GUCY1A2: variants seen among roughly 807,000 people sequenced by gnomAD.
GUCY1A2 encodes the protein guanylate cyclase soluble subunit alpha-2.
Under a neutral mutation model 63.5 loss-of-function variants are expected in GUCY1A2, and 27 were observed. The ratio of observed to expected loss-of-function variants is 0.43; its 90% CI spans 0.31 to 0.59. The LOEUF (loss-of-function observed/expected upper bound fraction) is 0.59. Ranked by LOEUF, GUCY1A2 falls within the 20% of genes least tolerant of loss-of-function variation. The pLI is 0.11. For synonymous variants in GUCY1A2, 364 were observed against 343.5 expected (o/e 1.06, Z -0.66); for missense variants, 768 against 913.3 (o/e 0.84, Z 2.05).
At chr11:106,728,700 G>T (rs1342526233) in intron 6 of GUCY1A2, among the ~76,000 whole-genome samples, 1 of 152,092 alleles carries the variant, frequency 6.6e-6, no homozygotes, top group Non-Finnish European at 1.5e-5. Context: ...TAAAACTGAA[G>T]ATGTAAATTT....
intron 6 of GUCY1A2, among the ~76,000 whole-genome samples, chr11:106,760,048 A>G (rs1864038935): frequency 6.6e-6 from 1 of 152,180 alleles, no homozygotes; most frequent in Admixed American, 6.5e-5. Context: ...TAGTAATAGT[A>G]GAGAGACCTG....
intron 6 of GUCY1A2, among the ~76,000 whole-genome samples, chr11:106,742,825 T>C (rs1300478663): frequency 1.3e-5 from 2 of 152,204 alleles, no homozygotes; most frequent in African/African-American, 4.8e-5. Context: ...CGCTTTCAAA[T>C]GGATGAATTT....
intron 6 of GUCY1A2, among the ~76,000 whole-genome samples, chr11:106,726,587 A>C (rs1020050296): frequency 2.0e-5 from 3 of 152,158 alleles, no homozygotes; most frequent in African/African-American, 7.2e-5. Flanking sequence ...GAAACACTAC[A>C]GGCTAAAAGT....
At chr11:106,800,927 A>C (rs1864865857) in intron 5 of GUCY1A2, among the ~76,000 whole-genome samples, 1 of 152,056 alleles carries the variant, frequency 6.6e-6, no homozygotes, top group Non-Finnish European at 1.5e-5. Context: ...ACCTACTGAA[A>C]GTTGTTCCTA....
intron 4 of GUCY1A2, among the ~76,000 whole-genome samples, chr11:106,899,049 AC>A (rs1860090497): frequency 6.6e-6 from 1 of 152,214 alleles, no homozygotes; most frequent in African/African-American, 2.4e-5. Flanking sequence ...TTATTAAGCC[AC>A]ATATTTAAGA....
At chr11:106,793,588 T>C (rs1458498564) in intron 5 of GUCY1A2, among the ~76,000 whole-genome samples, 1 of 151,880 alleles carries the variant, frequency 6.6e-6, no homozygotes, top group African/African-American at 2.4e-5. Flanking sequence ...GAGAAAATAT[T>C]TGCAAATCAC....
At chr11:106,949,881 A>G (rs1431550644) in intron 3 of GUCY1A2, among the ~76,000 whole-genome samples, 1 of 152,238 alleles carries the variant, frequency 6.6e-6, no homozygotes, top group Non-Finnish European at 1.5e-5. Context: ...TGGTGAATCT[A>G]TAAAAGAATG....
intron 6 of GUCY1A2, among the ~76,000 whole-genome samples, chr11:106,748,043 C>T (rs1273002706): frequency 2.0e-5 from 3 of 152,090 alleles, no homozygotes; most frequent in Non-Finnish European, 2.9e-5. Flanking sequence ...TTCCCATATT[C>T]TTAAGCTCTC....
chr11:106,892,207 T>C (rs543409307), intron 4 of GUCY1A2, among the ~76,000 whole-genome samples: 1 of 152,198 alleles, frequency 6.6e-6, no homozygotes, highest in East Asian at 1.9e-4. Context: ...TATTTATTGT[T>C]GCTTATTCCA....
At position 107,017,815 on chromosome 11, in the gene GUCY1A2, G is replaced by C; in HGVS notation, c.241C>G (p.Arg81Gly). 7.1e-7 allele frequency: 1 copy of C among 1,413,468 alleles called. No homozygotes were observed. The highest frequency in any genetic ancestry group is 9.2e-7 in the Non-Finnish European group (1 of 1,082,674). The allele number at this position is 1,413,468 out of a possible 1,614,324, so 87.6% of individuals were successfully genotyped here. The stretch of plus-strand genomic sequence containing the variant: ...GAGTCCAGGTTGACCCGCCTCCGGC[G>C]CTGCACCCTCCTGGCCCCGGCAGTG... Reference protein sequence around the residue: ...AATAGARRVQRRRRVNLDSLG... With the variant: ...AATAGARRVQGRRRVNLDSLG... The change falls in exon 1 of 8, where the codon CGC (arginine) becomes GGC (glycine). Residue 81 changes from arginine to glycine, a missense_variant. Transcript: ENST00000526355.
At position 106,679,322 on chromosome 11, in the gene GUCY1A2, G is replaced by C. The variant is rs867701580; in HGVS notation, c.*8227C>G. The C allele has an allele frequency of 1.4e-4, 26 of 190,914 alleles. 1 individual carries two copies. Among genetic ancestry groups the C allele is most frequent in the Non-Finnish European group, 3.3e-5 (3 of 91,176 alleles). 11.8% of individuals were successfully genotyped at this position (190,914 alleles called of 1,614,324 possible). A position where few individuals can be genotyped will look rare whatever the true frequency, so the allele number is the denominator to read the frequency against. On this transcript the variant is annotated 3_prime_UTR_variant, in exon 8 of 8. Transcript: ENST00000526355. ...AGAATACCATTAAATGCTATGGGGT[G>C]ATTCTCTCTCCAGCTCAAATACTCT...
chr11:106,695,004 T>G (rs1862692358), intron 7 of GUCY1A2, among the ~76,000 whole-genome samples: 1 of 152,184 alleles, frequency 6.6e-6, no homozygotes, highest in African/African-American at 2.4e-5. Context: ...TGGGTGTGTG[T>G]GCATGCATGT....
chr11:106,788,674 G>C (rs187068319), intron 5 of GUCY1A2, among the ~76,000 whole-genome samples: 8 of 152,250 alleles, frequency 5.3e-5, no homozygotes, highest in East Asian at 3.9e-4. Context: ...TTTCCCAAAT[G>C]TATGTTCTTG....
At chr11:106,828,346 C>T (rs1859004908) in intron 4 of GUCY1A2, among the ~76,000 whole-genome samples, 1 of 151,562 alleles carries the variant, frequency 6.6e-6, no homozygotes, top group Non-Finnish European at 1.5e-5. Flanking sequence ...ATGTTTAGGT[C>T]TGTGATCCAT....
intron 3 of GUCY1A2, among the ~76,000 whole-genome samples, chr11:106,943,464 G>A (rs904576731): frequency 6.6e-6 from 1 of 152,156 alleles, no homozygotes; most frequent in Non-Finnish European, 1.5e-5. Context: ...CTTTAAAAAG[G>A]TGAATAGCAT....
At chr11:106,989,686 T>C (rs1361017812) in intron 1 of GUCY1A2, among the ~76,000 whole-genome samples, 1 of 152,156 alleles carries the variant, frequency 6.6e-6, no homozygotes, top group Non-Finnish European at 1.5e-5. Flanking sequence ...TACTTCTCAT[T>C]ATGAGAAGTT....
intron 4 of GUCY1A2, among the ~76,000 whole-genome samples, chr11:106,887,246 A>G (rs1859912681): frequency 6.6e-6 from 1 of 152,104 alleles, no homozygotes; most frequent in Non-Finnish European, 1.5e-5. Flanking sequence ...AAAACCTGCC[A>G]CCACCCAATC....
chr11:107,012,569 A>T (rs1861762198), intron 1 of GUCY1A2, among the ~76,000 whole-genome samples: 1 of 152,166 alleles, frequency 6.6e-6, no homozygotes, highest in Admixed American at 6.6e-5. Flanking sequence ...ACTCATACTT[A>T]GTAAGGGGCT....
chr11:106,724,415 A>G lies in GUCY1A2; in HGVS notation c.1837-15749T>C, dbSNP rs142855471. On this transcript the variant is annotated intron_variant, in intron 6 of 7. Transcript: ENST00000526355. ...GCTAGATCCACAAAAATTGGCTCCA[A>G]TCCCTGAATCTGATCACCCTATCCT... is the stretch of plus-strand genomic sequence containing the variant. Among the ~76,000 whole-genome samples the G allele has an allele frequency of 2.6e-5, 4 of 152,286 alleles. No individual in the cohort carries two copies. In the East Asian group the frequency reaches 7.7e-4, roughly 29 times the overall value.
Sources: allele counts gnomAD v4.1 joint callset (sites outside exome capture counted in the v4.1 genomes callset), GRCh38; gene constraint gnomAD v4.1.1; transcripts MANE v1.5; gene names NCBI Gene and HGNC (gene_info 2026-07-23, HGNC 2026-07-21).